Variants in TBC1D22A observed in about 807,000 individuals in gnomAD.
TBC1D22A encodes the protein putative GTPase activator.
Under a neutral mutation model 60.2 loss-of-function variants are expected in TBC1D22A, and 38 were observed. That is an observed-to-expected ratio of 0.63 (90% CI 0.49 to 0.83). The LOEUF (loss-of-function observed/expected upper bound fraction) is 0.83, where lower values mean the gene tolerates loss of function less well. Among genes scored for constraint, TBC1D22A ranks in the 40% least tolerant of loss-of-function variants. The pLI, the probability that TBC1D22A is intolerant of heterozygous loss-of-function variation, is 0.00. For synonymous variants in TBC1D22A, 302 were observed against 281.7 expected (o/e 1.07, Z -0.72); for missense variants, 628 against 701.0 (o/e 0.90, Z 1.18).
chr22:47,142,646 A>C, intron 12 of TBC1D22A, among the ~76,000 whole-genome samples: 2 of 121,076 alleles, frequency 1.7e-5, no homozygotes, highest in Non-Finnish European at 3.4e-5. Flanking sequence ...CCCACCATCC[A>C]TCCATCCATC....
intron 8 of TBC1D22A, among the ~76,000 whole-genome samples, chr22:46,928,631 C>T (rs891789140): frequency 3.3e-5 from 5 of 151,692 alleles, no homozygotes; most frequent in African/African-American, 1.2e-4. Context: ...AAAAACATTC[C>T]CCAGAATGGG....
At chr22:46,905,549 G>A (rs1161785985) in intron 7 of TBC1D22A, among the ~76,000 whole-genome samples, 1 of 152,256 alleles carries the variant, frequency 6.6e-6, no homozygotes, top group Non-Finnish European at 1.5e-5. Flanking sequence ...CCCCGGGGAG[G>A]AGGGCACGGG....
chr22:46,890,909 C>A (rs1418471161), intron 5 of TBC1D22A, among the ~76,000 whole-genome samples: 1 of 152,176 alleles, frequency 6.6e-6, no homozygotes, highest in African/African-American at 2.4e-5. Context: ...GTATATGAGG[C>A]CTCTAGAGAA....
intron 4 of TBC1D22A, among the ~76,000 whole-genome samples, chr22:46,801,622 A>T (rs1423915906): frequency 6.6e-6 from 1 of 152,262 alleles, no homozygotes; most frequent in Admixed American, 6.5e-5. Flanking sequence ...ATTTGGTAAC[A>T]TGTAGAACAC....
intron 12 of TBC1D22A, among the ~76,000 whole-genome samples, chr22:47,131,921 G>A (rs1236363955): frequency 6.6e-6 from 1 of 152,240 alleles, no homozygotes. Flanking sequence ...AGCCACTCGA[G>A]TTCGTGGCAG....
At position 46,777,698 on chromosome 22, in the gene TBC1D22A, G is replaced by A. The variant is rs1258286942; in HGVS notation, c.63-14822G>A. 6.6e-6 allele frequency among the ~76,000 whole-genome samples: 1 copy of A among 152,152 alleles called. No individual in the cohort carries two copies. The highest frequency in any genetic ancestry group is 1.5e-5 in the Non-Finnish European group (1 of 68,034). The stretch of plus-strand genomic sequence containing the variant: ...TGTGATGAGTCCTGAGGGGAAGCTG[G>A]GCAGGGCCAGGATTGAGTGAGAAGC... On this transcript the variant is annotated intron_variant, in intron 1 of 12. Transcript: ENST00000337137. The surrounding 1 kb of genome is among the most constrained non-coding windows in gnomAD (Gnocchi z 4.5).
rs780242440 is a variant in TBC1D22A at position 46,792,552 on chromosome 22, C to A, written c.95C>A (p.Pro32His). 27 of 1,614,132 alleles carry A rather than the reference C, an allele frequency of 1.7e-5. No homozygotes were observed. The highest frequency in any genetic ancestry group is 8.9e-5 in the East Asian group (4 of 44,898). The change falls in exon 2 of 13, where the codon CCC becomes CAC. Residue 32 changes from proline (P) to histidine (H), a missense_variant. Transcript: ENST00000337137. ...IQHVYGAQHP[P>H]FDPLLHGTLL... ...CACGTGTATGGTGCCCAGCACCCCCCCTTTGATCCACTGTTACATGGCACG... is the reference window on the plus strand; with the variant it reads ...CACGTGTATGGTGCCCAGCACCCCCACTTTGATCCACTGTTACATGGCACG...
chr22:47,108,645 G>A (rs566440454), intron 11 of TBC1D22A, among the ~76,000 whole-genome samples: 45 of 152,306 alleles, frequency 3.0e-4, no homozygotes, highest in African/African-American at 9.9e-4. Context: ...AGCTATATGC[G>A]TATATCAAAA....
At chr22:47,132,405 C>T (rs565583922) in intron 12 of TBC1D22A, among the ~76,000 whole-genome samples, 2 of 152,254 alleles carry the variant, frequency 1.3e-5, no homozygotes, top group African/African-American at 4.8e-5. Flanking sequence ...CGCTTGATCC[C>T]TTCATGCTTC....
intron 11 of TBC1D22A, among the ~76,000 whole-genome samples, chr22:47,041,127 G>A (rs1443349156): frequency 6.6e-6 from 1 of 152,188 alleles, no homozygotes; most frequent in East Asian, 1.9e-4. Flanking sequence ...TTTTTGGCAG[G>A]TGAGTATTGC....
intron 4 of TBC1D22A, among the ~76,000 whole-genome samples, chr22:46,824,150 T>C (rs1320042415): frequency 5.9e-5 from 9 of 152,220 alleles, no homozygotes; most frequent in Admixed American, 5.9e-4. Flanking sequence ...CACTCAGTTT[T>C]CTGTACTAAG....
intron 11 of TBC1D22A, among the ~76,000 whole-genome samples, chr22:47,050,265 A>G (rs943351560): frequency 1.7e-4 from 26 of 151,350 alleles, no homozygotes; most frequent in Admixed American, 5.3e-4. Context: ...TCGGCCCCCC[A>G]GGGTGCTGGG....
chr22:46,848,985 CTGTT>C (rs879706788), intron 4 of TBC1D22A, among the ~76,000 whole-genome samples: 3 of 151,988 alleles, frequency 2.0e-5, no homozygotes, highest in Non-Finnish European at 4.4e-5. Context: ...TCCCCAGTCT[CTGTT>C]TGAGCCATTT....
intron 5 of TBC1D22A, among the ~76,000 whole-genome samples, chr22:46,889,544 C>A (rs2068285992): frequency 6.6e-6 from 1 of 152,156 alleles, no homozygotes; most frequent in Admixed American, 6.5e-5. Context: ...AAGCGTATGC[C>A]CACGAAAATC....
At chr22:46,933,020 GCCT>G (rs960210364) in intron 8 of TBC1D22A, among the ~76,000 whole-genome samples, 3 of 152,184 alleles carry the variant, frequency 2.0e-5, no homozygotes, top group Non-Finnish European at 4.4e-5. Context: ...ACTGTGCCCG[GCCT>G]CCTCCTTGCT....
At chr22:46,947,805 C>T (rs558143183) in intron 8 of TBC1D22A, among the ~76,000 whole-genome samples, 17 of 152,298 alleles carry the variant, frequency 1.1e-4, no homozygotes, top group African/African-American at 4.1e-4. Context: ...CTGCCTGGCT[C>T]TCCATATCAA....
At chr22:46,856,760 C>A (rs2087591713) in intron 4 of TBC1D22A, among the ~76,000 whole-genome samples, 1 of 152,202 alleles carries the variant, frequency 6.6e-6, no homozygotes, top group African/African-American at 2.4e-5. Context: ...CTGTCAGCAA[C>A]AAATGGATAT....
intron 9 of TBC1D22A, among the ~76,000 whole-genome samples, chr22:46,989,856 G>A (rs965400455): frequency 4.6e-5 from 7 of 151,942 alleles, no homozygotes; most frequent in Non-Finnish European, 1.0e-4. Context: ...GGGCTGGAGT[G>A]CAGTGATGCG....
intron 11 of TBC1D22A, among the ~76,000 whole-genome samples, chr22:47,088,298 A>G (rs1471888178): frequency 6.6e-6 from 1 of 152,094 alleles, no homozygotes; most frequent in Non-Finnish European, 1.5e-5. Context: ...ATGCCAGAAA[A>G]TGTTTAAGAT....
Sources: allele counts gnomAD v4.1 joint callset (sites outside exome capture counted in the v4.1 genomes callset), GRCh38; gene constraint gnomAD v4.1.1; non-coding constraint Gnocchi (gnomAD v3.1); transcripts MANE v1.5; gene names NCBI Gene and HGNC (gene_info 2026-07-23, HGNC 2026-07-21).